Variants in COL8A1 observed in about 807,000 individuals in gnomAD.
The protein encoded by COL8A1 is collagen alpha-1(VIII) chain.
A neutral mutation model predicts 42.7 loss-of-function variants in COL8A1; 21 were observed. The observed-to-expected ratio is 0.49, with a 90% CI of 0.35 to 0.71. The LOEUF is 0.71. COL8A1 is among the 30% of genes least tolerant of loss of function. The pLI is 0.01. For synonymous variants in COL8A1, 367 were observed against 369.1 expected, an observed-to-expected ratio of 0.99 and a Z score of 0.06; for missense variants, 788 against 962.4, an observed-to-expected ratio of 0.82 and a Z score of 2.40.
chr3:99,783,947 A>G (rs1326971499), intron 2 of COL8A1, among the ~76,000 whole-genome samples: 1 of 152,202 alleles, frequency 6.6e-6, no homozygotes, highest in Non-Finnish European at 1.5e-5. Context: ...CCATCTCAGC[A>G]TATTTACCTT....
Position 99,717,474 on chromosome 3 carries a change from T to C in COL8A1, c.-128-27423T>C, listed in dbSNP as rs61463217. The stretch of plus-strand genomic sequence containing the variant: ...TCTAGGCTGTTAGTTGAGTTTAGTC[T>C]GAAAATCTAGTTACATGATAAAAGA... On this transcript the variant is annotated intron_variant, in intron 1 of 3. Coordinates refer to ENST00000652472, the MANE Select transcript of COL8A1 (RefSeq NM_020351.4). 6.9e-3 allele frequency among the ~76,000 whole-genome samples: 1,053 copies of C among 152,138 alleles called. 7 individuals carry two copies. The highest frequency in any genetic ancestry group is 0.024 in the African/African-American group (994 of 41,544).
chr3:99,694,024 G>C (rs1939297667), intron 1 of COL8A1, among the ~76,000 whole-genome samples: 1 of 152,230 alleles, frequency 6.6e-6, no homozygotes, highest in Non-Finnish European at 1.5e-5. Flanking sequence ...GTACAAGTTT[G>C]TAGCCTAGGA....
At chr3:99,765,703 A>G (rs1941452392) in intron 2 of COL8A1, among the ~76,000 whole-genome samples, 2 of 152,290 alleles carry the variant, frequency 1.3e-5, no homozygotes, top group East Asian at 1.9e-4. Context: ...TAACCAGAGT[A>G]ATGCTCAATT....
intron 1 of COL8A1, chr3:99,703,603 T>TG (rs1939602454): frequency 6.6e-6 from 1 of 152,234 alleles, no homozygotes. Context: ...TGTCACATTG[T>TG]TCAAAAGGAG....
At position 99,794,154 on chromosome 3, in the gene COL8A1, T is replaced by C. The variant is rs927445768; in HGVS notation, c.329-76T>C. 2.0e-5 allele frequency: 18 copies of C among 912,246 alleles called. No individual in the cohort carries two copies. The highest frequency in any genetic ancestry group is 1.3e-4 in the African/African-American group (8 of 60,020). 56.5% of individuals were successfully genotyped at this position (912,246 alleles called of 1,614,324 possible). ...CTAAATAATGGTTGTCAGTACTTCA[T>C]TGATGTGAGAGACAATCTACTAATC... On this transcript the variant is annotated intron_variant, in intron 3 of 3. Transcript: ENST00000652472. This position sits in a 1 kb window ranked among gnomAD's most constrained non-coding sequence, Gnocchi z 4.3.
At chr3:99,781,897 G>T (rs1329937313) in intron 2 of COL8A1, among the ~76,000 whole-genome samples, 5 of 152,126 alleles carry the variant, frequency 3.3e-5, no homozygotes. Flanking sequence ...TTACAAAATT[G>T]TTGTTGTTCC....
At chr3:99,708,223 C>T (rs963202670) in intron 1 of COL8A1, among the ~76,000 whole-genome samples, 8 of 152,174 alleles carry the variant, frequency 5.3e-5, no homozygotes, top group African/African-American at 1.4e-4. Flanking sequence ...TTCTCAAAGA[C>T]GTCACTGCTT....
chr3:99,795,000 G>A lies in COL8A1; in HGVS notation c.1099G>A (p.Val367Ile). 1 of 1,607,016 alleles carries A rather than the reference G, an allele frequency of 6.2e-7. No homozygotes were observed. The highest frequency in any genetic ancestry group is 8.5e-7 in the Non-Finnish European group (1 of 1,176,590). Residue 367 changes from valine (V) to isoleucine (I), a missense_variant, in exon 4 of 4, where the codon GTT becomes ATT. Physicochemically the swap from Val to Ile is conservative, Grantham distance 29 (BLOSUM62 3). This residue lies in a region of COL8A1 where 421 missense variants were observed against 553.1 expected (regional missense o/e 0.76). Transcript: ENST00000652472. The surrounding 1 kb of genome is among the most constrained non-coding windows in gnomAD (Gnocchi z 4.3). ...CAAAGGTGACCGGGGCATGGGAGGT[G>A]TTCCTGGGGCTCTTGGACCAAGAGG... ...GPKGDRGMGG[V>I]PGALGPRGEK...
chr3:99,796,000 C>T lies in COL8A1; in HGVS notation c.2099C>T (p.Ala700Val). The change falls in exon 4 of 4, where the codon GCA becomes GTA. Residue 700 changes from alanine (A) to valine (V), a missense_variant. Physicochemically the swap from Ala to Val is moderately conservative, Grantham distance 64. This residue lies in a region of COL8A1 where 212 missense variants were observed against 210.9 expected (regional missense o/e 1.00). Transcript: ENST00000652472. ...DEYKKGFLDQ[A>V]SGSAVLLLRP... ...TACAAAAAGGGCTTCCTGGACCAGGCATCTGGGAGTGCAGTGCTGCTGCTC... is the reference window on the plus strand; with the variant it reads ...TACAAAAAGGGCTTCCTGGACCAGGTATCTGGGAGTGCAGTGCTGCTGCTC... 6.2e-7 allele frequency: 1 copy of T among 1,613,966 alleles called. No individual in the cohort carries two copies. Among genetic ancestry groups the T allele is most frequent in the South Asian group, 1.1e-5 (1 of 91,086 alleles).
At position 99,796,708 on chromosome 3, in the gene COL8A1, T is replaced by TATC. The variant is rs1336857369; in HGVS notation, c.*574_*576dup. On this transcript the variant is annotated 3_prime_UTR_variant, in exon 4 of 4. Coordinates refer to ENST00000652472, the MANE Select transcript of COL8A1 (RefSeq NM_020351.4). ...TTTAGTCAAAGGGATATCTCTCTTG[T>TATC]ATCAGAGGCTGTGTCTTTTAGTAAC... 2 of 152,262 alleles carry TATC rather than the reference T, an allele frequency of 1.3e-5. No individual in the cohort carries two copies. Among genetic ancestry groups the TATC allele is most frequent in the Non-Finnish European group, 2.9e-5 (2 of 68,066 alleles). 9.4% of individuals were successfully genotyped at this position (152,262 alleles called of 1,614,324 possible).
At chr3:99,730,606 T>A (rs754131459) in intron 1 of COL8A1, among the ~76,000 whole-genome samples, 1 of 152,120 alleles carries the variant, frequency 6.6e-6, no homozygotes, top group Non-Finnish European at 1.5e-5. Flanking sequence ...AAACACTTTT[T>A]TCAACACTTT....
chr3:99,792,232 C>T (rs957143187), intron 3 of COL8A1, among the ~76,000 whole-genome samples: 1 of 152,122 alleles, frequency 6.6e-6, no homozygotes, highest in Non-Finnish European at 1.5e-5. Context: ...ATTTCTTTTC[C>T]TTCCTTTATT....
chr3:99,745,832 G>GA (rs141514291), intron 2 of COL8A1, among the ~76,000 whole-genome samples: 1,749 of 144,028 alleles, frequency 0.012, 24 homozygotes, highest in African/African-American at 0.039. Flanking sequence ...AACCTTGATG[G>GA]AAAAAAAAAA....
chr3:99,749,683 C>A (rs1941099851), intron 2 of COL8A1, among the ~76,000 whole-genome samples: 1 of 152,008 alleles, frequency 6.6e-6, no homozygotes, highest in Non-Finnish European at 1.5e-5. Flanking sequence ...ACCTATTGTT[C>A]ATAAAGCAAA....
intron 1 of COL8A1, among the ~76,000 whole-genome samples, chr3:99,684,028 G>A (rs1437182818): frequency 4.6e-5 from 7 of 152,108 alleles, no homozygotes; most frequent in Non-Finnish European, 1.0e-4. Context: ...TGTTCAGAGC[G>A]GTCAAGCAGG....
At chr3:99,752,325 G>GTCA (rs1301586556) in intron 2 of COL8A1, among the ~76,000 whole-genome samples, 1 of 152,052 alleles carries the variant, frequency 6.6e-6, no homozygotes, top group Non-Finnish European at 1.5e-5. Context: ...ACAGGGTTTG[G>GTCA]TCATAGTTAA....
intron 1 of COL8A1, among the ~76,000 whole-genome samples, chr3:99,686,454 G>A (rs935243947): frequency 2.0e-5 from 3 of 152,102 alleles, no homozygotes; most frequent in African/African-American, 7.2e-5. Context: ...CCTGGGGAGA[G>A]GGTCTTATGA....
At chr3:99,643,835 T>A (rs1036408240) in intron 1 of COL8A1, among the ~76,000 whole-genome samples, 1 of 152,220 alleles carries the variant, frequency 6.6e-6, no homozygotes, top group Non-Finnish European at 1.5e-5. Flanking sequence ...ATTTACAGCG[T>A]AACTCTCCTC....
intron 1 of COL8A1, chr3:99,679,153 G>T (rs1938790287): frequency 6.6e-6 from 1 of 152,186 alleles, no homozygotes; most frequent in South Asian, 2.1e-4. Context: ...CTGAGCCAAG[G>T]TTGCAATCTT....
Sources: gnomAD v4.1 joint callset for allele counts (sites outside exome capture counted in the v4.1 genomes callset) on GRCh38, gnomAD v4.1.1 for gene constraint, gnomAD v4.1.1 regional missense constraint, Gnocchi (gnomAD v3.1) non-coding constraint, MANE v1.5 for transcripts, NCBI Gene and HGNC (gene_info 2026-07-23, HGNC 2026-07-21) for gene names.